Variants in ZFP37 observed in about 807,000 individuals in gnomAD.
The protein encoded by ZFP37 is ZFP37 zinc finger protein, also known as zinc finger protein 37 homolog.
A neutral mutation model predicts 52.1 loss-of-function variants in ZFP37; 38 were observed. That is an observed-to-expected ratio of 0.73 (90% CI 0.56 to 0.96). The LOEUF (loss-of-function observed/expected upper bound fraction) is 0.96, where lower values mean the gene tolerates loss of function less well. Among genes scored for constraint, ZFP37 ranks in the 40% least tolerant of loss-of-function variants. The probability of loss-of-function intolerance (pLI) is 0.00; values close to 1 mark genes in which losing one functional copy is unlikely to be tolerated. For synonymous variants in ZFP37, 253 were observed against 259.5 expected, an observed-to-expected ratio of 0.98 and a Z score of 0.24; for missense variants, 695 against 741.4, an observed-to-expected ratio of 0.94 and a Z score of 0.73.
intron 1 of ZFP37, chr9:113,050,114 G>T: frequency 4.1e-6 from 2 of 482,700 alleles, no homozygotes; most frequent in Non-Finnish European, 6.8e-6. Context: ...GCTAGGCATA[G>T]TGGCTCATGC....
chr9:113,042,084 T>C lies in ZFP37; in HGVS notation c.*641A>G, dbSNP rs1356209744. 6.6e-6 allele frequency: 1 copy of C among 152,222 alleles called. No individual in the cohort carries two copies. Among genetic ancestry groups the C allele is most frequent in the Admixed American group, 6.6e-5 (1 of 15,264 alleles). 9.4% of individuals were successfully genotyped at this position (152,222 alleles called of 1,614,324 possible). A position where few individuals can be genotyped will look rare whatever the true frequency, so the allele number is the denominator to read the frequency against. ...ACCCTTTTGTACACAAAGGGGAACA[T>C]ACTATATACATGGTTCAGCAACCTA... is the stretch of plus-strand genomic sequence containing the variant. On this transcript the variant is annotated 3_prime_UTR_variant, in exon 4 of 4. Transcript: ENST00000374227.
chr9:113,043,346 C>T lies in ZFP37; in HGVS notation c.1272G>A (p.Val424=), dbSNP rs777727388. 2 of 1,613,984 alleles carry T rather than the reference C, an allele frequency of 1.2e-6. No homozygotes were observed. The highest frequency in any genetic ancestry group is 1.3e-5 in the African/African-American group (1 of 74,936). The change falls in exon 4 of 4, where the codon GTG becomes GTA. Residue 424 remains valine (V), a synonymous_variant. Coordinates refer to ENST00000374227, the MANE Select transcript of ZFP37 (RefSeq NM_003408.3). ...FRYNSSLTEH[V]RTHTGEIPYE... ...ATGGTATTTCACCTGTATGTGTTCTCACATGTTCGGTAAGAGATGAGTTAT... is the reference window on the plus strand; with the variant it reads ...ATGGTATTTCACCTGTATGTGTTCTTACATGTTCGGTAAGAGATGAGTTAT...
At chr9:113,049,611 G>T in intron 2 of ZFP37, 115 bp from the exon 3 acceptor site, 1 of 1,457,434 alleles carries the variant, frequency 6.9e-7, no homozygotes. Context: ...TTCACAATAT[G>T]AATGCCAGGT....
rs1246713401 is a variant in ZFP37 at position 113,052,992 on chromosome 9, C to T, written c.133-3120G>A. On this transcript the variant is annotated intron_variant, in intron 1 of 3. Transcript: ENST00000374227. The surrounding 1 kb of genome is among the most constrained non-coding windows in gnomAD (Gnocchi z 4.1). ...TTCCTGCCATAATGCTGCACTACCT[C>T]CGTATCAACGTGGAAGAGCCATTCA... 6.6e-6 allele frequency among the ~76,000 whole-genome samples: 1 copy of T among 152,186 alleles called. No individual in the cohort carries two copies. Among genetic ancestry groups the T allele is most frequent in the African/African-American group, 2.4e-5 (1 of 41,426 alleles).
At position 113,039,333 on chromosome 9, in the gene ZFP37, A is replaced by G. The variant is rs1828810939; in HGVS notation, c.*3392T>C. 6.6e-6 allele frequency: 1 copy of G among 152,114 alleles called. No individual in the cohort carries two copies. The highest frequency in any genetic ancestry group is 1.5e-5 in the Non-Finnish European group (1 of 68,022). The allele number at this position is 152,114 out of a possible 1,614,324, so 9.4% of individuals were successfully genotyped here. On this transcript the variant is annotated 3_prime_UTR_variant, in exon 4 of 4. Coordinates refer to ENST00000374227, the MANE Select transcript of ZFP37 (RefSeq NM_003408.3). ...TTTTTTTAAATCTTGATTTAAAAAA[A>G]TGTTTCCACTTTTTTTCCTCTTCTT...
chr9:113,048,610 C>T (rs1044753930), intron 3 of ZFP37, among the ~76,000 whole-genome samples: 1 of 151,736 alleles, frequency 6.6e-6, no homozygotes, highest in Admixed American at 6.6e-5. Flanking sequence ...ATCTGAGGGG[C>T]TGGTACCAAG....
rs1301245827 is a variant in ZFP37, at chr9:113,049,421, CT to C, written c.289del (p.Arg97AspfsTer10). ...TTTACTTGGACAACCTTGACTGGGT[CT>C]TTTCCCCTTCCCCAACCATGGTGCT... ...GEAPWLGKGKRPSQGCPSKIA... is the reference protein window; with the variant it reads ...GEAPWLGKGKXPSQGCPSKIA... On this transcript the variant is annotated frameshift_variant, in exon 3 of 4. Coordinates refer to ENST00000374227, the MANE Select transcript of ZFP37 (RefSeq NM_003408.3). LOFTEE classifies it high-confidence loss of function. 6.2e-7 allele frequency: 1 copy of C among 1,614,136 alleles called. No homozygotes were observed. The highest frequency in any genetic ancestry group is 8.5e-7 in the Non-Finnish European group (1 of 1,179,992).
At chr9:113,055,747 C>A (rs1357913152) in intron 1 of ZFP37, among the ~76,000 whole-genome samples, 1 of 152,148 alleles carries the variant, frequency 6.6e-6, no homozygotes, top group Non-Finnish European at 1.5e-5. Flanking sequence ...CACTGACCAC[C>A]AAAGAACCCT....
In ZFP37 at chr9:113,041,992, T is replaced by C. The variant is rs1199750680; in HGVS notation, c.*733A>G. On this transcript the variant is annotated 3_prime_UTR_variant, in exon 4 of 4. Coordinates refer to ENST00000374227, the MANE Select transcript of ZFP37 (RefSeq NM_003408.3). Reference sequence around the variant, plus strand: ...TTTTCAAAGTCTATTCACATACAGATACATGTATATATGCATACAAAGATA... The same window carrying C: ...TTTTCAAAGTCTATTCACATACAGACACATGTATATATGCATACAAAGATA... The C allele has an allele frequency of 1.3e-5, 2 of 152,144 alleles. No homozygotes were observed. The highest frequency in any genetic ancestry group is 4.8e-5 in the African/African-American group (2 of 41,440). 9.4% of individuals were successfully genotyped at this position (152,144 alleles called of 1,614,324 possible). A position where few individuals can be genotyped will look rare whatever the true frequency, so the allele number is the denominator to read the frequency against.
At chr9:113,046,867 T>G (rs1361621387) in intron 3 of ZFP37, among the ~76,000 whole-genome samples, 4 of 152,110 alleles carry the variant, frequency 2.6e-5, no homozygotes, top group Non-Finnish European at 4.4e-5. Context: ...CCCAGCACTT[T>G]GGGAGGCCGA....
chr9:113,044,314 T>C (rs770464632), intron 3 of ZFP37, 46 bp from the exon 4 acceptor site: 1 of 1,486,296 alleles, frequency 6.7e-7, no homozygotes, highest in Non-Finnish European at 8.9e-7. Flanking sequence ...TTTGTACTCT[T>C]ATATTTTGGA....
At chr9:113,048,657 A>G (rs1372705119) in intron 3 of ZFP37, among the ~76,000 whole-genome samples, 1 of 152,056 alleles carries the variant, frequency 6.6e-6, no homozygotes, top group Non-Finnish European at 1.5e-5. Context: ...ATCCTACCAC[A>G]ACCTGAGTGG....
chr9:113,049,552 G>C, intron 2 of ZFP37, 56 bp from the exon 3 acceptor site: 2 of 1,576,352 alleles, frequency 1.3e-6, no homozygotes, highest in Non-Finnish European at 1.7e-6. Flanking sequence ...CAGAAATGAA[G>C]CCGCAGCATT....
chr9:113,056,454 C>A, intron 1 of ZFP37, 103 bp downstream of exon 1: 4 of 1,535,760 alleles, frequency 2.6e-6, no homozygotes, highest in Non-Finnish European at 2.6e-6. Flanking sequence ...GCATCGATTC[C>A]ACCAATTCCC....
At position 113,050,539 on chromosome 9, in the gene ZFP37, A is replaced by G. The variant is rs896356957; in HGVS notation, c.133-667T>C. On this transcript the variant is annotated intron_variant, in intron 1 of 3. Transcript: ENST00000374227. ...CTCCTCTTCTATAACAGGGGATGCTAAAAGGCTATTGAGCAGTATTTATAG... is the reference window on the plus strand; with the variant it reads ...CTCCTCTTCTATAACAGGGGATGCTGAAAGGCTATTGAGCAGTATTTATAG... Among the ~76,000 whole-genome samples the G allele has an allele frequency of 4.6e-5, 7 of 152,148 alleles. No homozygotes were observed. The South Asian group carries it at 6.2e-4, about 14-fold the overall frequency.
intron 1 of ZFP37, among the ~76,000 whole-genome samples, chr9:113,054,780 T>C (rs1457950855): frequency 1.3e-5 from 2 of 152,260 alleles, no homozygotes; most frequent in East Asian, 1.9e-4. Context: ...CCAGATGTAT[T>C]CTGAATTTGA....
rs943212386 is a variant in ZFP37, at chr9:113,042,652, ACT to A, written c.*71_*72del. On this transcript the variant is annotated 3_prime_UTR_variant, in exon 4 of 4. Coordinates refer to ENST00000374227, the MANE Select transcript of ZFP37 (RefSeq NM_003408.3). ...GACATCTTGCTAAAGGCTTTCTAAC[ACT>A]CTTTAAAATCAGCATATTTCCAAGG... The A allele has an allele frequency of 1.9e-5, 25 of 1,335,514 alleles. No individual in the cohort carries two copies. The African/African-American group carries it at 3.2e-4, about 17-fold the overall frequency. The allele number at this position is 1,335,514 out of a possible 1,614,324, so 82.7% of individuals were successfully genotyped here.
chr9:113,053,466 C>T (rs1829092090), intron 1 of ZFP37, among the ~76,000 whole-genome samples: 1 of 152,198 alleles, frequency 6.6e-6, no homozygotes, highest in Non-Finnish European at 1.5e-5. Flanking sequence ...AATCAAACTG[C>T]TGAGTGGACT....
At position 113,042,690 on chromosome 9, in the gene ZFP37, C is replaced by T. The variant is rs769237489; in HGVS notation, c.*35G>A. 1.3e-6 allele frequency: 2 copies of T among 1,507,170 alleles called. No homozygotes were observed. The highest frequency in any genetic ancestry group is 2.2e-5 in the Admixed American group (1 of 44,876). 93.4% of individuals were successfully genotyped at this position (1,507,170 alleles called of 1,614,324 possible). ...AGCATATTTCCAAGGTTCAACAAAA[C>T]CTTAAATTTAGTTAACAAATTTCCC... On this transcript the variant is annotated 3_prime_UTR_variant, in exon 4 of 4. Transcript: ENST00000374227.
Sources: allele counts gnomAD v4.1 joint callset (sites outside exome capture counted in the v4.1 genomes callset), GRCh38; gene constraint gnomAD v4.1.1; non-coding constraint Gnocchi (gnomAD v3.1); transcripts MANE v1.5; gene names NCBI Gene and HGNC (gene_info 2026-07-23, HGNC 2026-07-21).